Variants in USP10 observed in about 807,000 individuals in gnomAD.
The protein encoded by USP10 is ubiquitin specific peptidase 10.
In USP10, 22 loss-of-function variants were observed where a neutral mutation model predicts 84.5. That is an observed-to-expected ratio of 0.26 (90% CI 0.19 to 0.37). The LOEUF (loss-of-function observed/expected upper bound fraction) is 0.37, where lower values mean the gene tolerates loss of function less well. Ranked by LOEUF, USP10 falls within the 10% of genes least tolerant of loss-of-function variation. USP10 has a pLI of 1.00. For synonymous variants in USP10, 454 were observed against 387.6 expected, an observed-to-expected ratio of 1.17 and a Z score of -2.01; for missense variants, 1,019 against 998.9, an observed-to-expected ratio of 1.02 and a Z score of -0.27.
chr16:84,704,822 A>G, intron 1 of USP10: 1 of 1,535,718 alleles, frequency 6.5e-7, no homozygotes, highest in Non-Finnish European at 8.7e-7. Flanking sequence ...CCCGTCTTGA[A>G]ACATCATGCC....
chr16:84,777,564 C>T (rs1314456604), intron 13 of USP10, among the ~76,000 whole-genome samples: 4 of 152,162 alleles, frequency 2.6e-5, no homozygotes, highest in African/African-American at 9.7e-5. Context: ...GAAGTACGGG[C>T]CCCACAGTCT....
At chr16:84,733,311 G>T in intron 1 of USP10, 124 bp from the exon 2 acceptor site, 1 of 718,766 alleles carries the variant, frequency 1.4e-6, no homozygotes, top group Non-Finnish European at 2.4e-6. Context: ...CTGTTTAATT[G>T]AGAAAGGATC....
chr16:84,776,874 ACAGTCTC>A (rs1447379792), intron 13 of USP10, among the ~76,000 whole-genome samples: 30 of 152,276 alleles, frequency 2.0e-4, no homozygotes, highest in Non-Finnish European at 3.7e-4. Context: ...GTGCAGTGGC[ACAGTCTC>A]CATTCACTGC....
chr16:84,712,780 T>C (rs987160683), intron 1 of USP10, among the ~76,000 whole-genome samples: 2 of 152,188 alleles, frequency 1.3e-5, no homozygotes, highest in African/African-American at 4.8e-5. Flanking sequence ...TGTTGTGTAG[T>C]TTCTTGAATC....
At chr16:84,720,950 G>A (rs1907721622) in intron 1 of USP10, among the ~76,000 whole-genome samples, 1 of 147,108 alleles carries the variant, frequency 6.8e-6, no homozygotes, top group African/African-American at 2.5e-5. Flanking sequence ...CTGGAGTGCA[G>A]TGGCGCGATC....
At chr16:84,700,825 C>A (rs565254091) in intron 1 of USP10, among the ~76,000 whole-genome samples, 3 of 152,262 alleles carry the variant, frequency 2.0e-5, no homozygotes, top group African/African-American at 7.2e-5. Flanking sequence ...TTACAATAAT[C>A]CCGTGGTGGA....
At position 84,711,239 on chromosome 16, in the gene USP10, A is replaced by C. The variant is rs1375998285; in HGVS notation, c.21+11128A>C. On this transcript the variant is annotated intron_variant, in intron 1 of 13. Transcript: ENST00000219473. ...GCCCGTGTTGGGATTTATAAGTTGC[A>C]AAAAAACATGTTTTTAAAAATGTAA... is the stretch of plus-strand genomic sequence containing the variant. Among the ~76,000 whole-genome samples, 6 of 152,146 alleles carry C rather than the reference A, an allele frequency of 3.9e-5. No homozygotes were observed. In the East Asian group the frequency reaches 1.2e-3, roughly 29 times the overall value.
At chr16:84,755,522 C>G (rs1385226201) in intron 4 of USP10, among the ~76,000 whole-genome samples, 1 of 152,034 alleles carries the variant, frequency 6.6e-6, no homozygotes, top group African/African-American at 2.4e-5. Context: ...CTCTGGGGAC[C>G]TGTGCGTATG....
chr16:84,716,033 G>A (rs1906970051), intron 1 of USP10, among the ~76,000 whole-genome samples: 1 of 152,126 alleles, frequency 6.6e-6, no homozygotes, highest in Non-Finnish European at 1.5e-5. Flanking sequence ...GCACTGTGGC[G>A]AGGAGGGTGG....
chr16:84,733,741 C>G (rs938249640), intron 2 of USP10, among the ~76,000 whole-genome samples: 2 of 152,184 alleles, frequency 1.3e-5, no homozygotes, highest in Admixed American at 1.3e-4. Context: ...ACTGAAGCCT[C>G]CTTTGGACCT....
chr16:84,750,850 G>T (rs750344954), intron 4 of USP10, among the ~76,000 whole-genome samples: 2 of 152,160 alleles, frequency 1.3e-5, no homozygotes, highest in Non-Finnish European at 2.9e-5. Flanking sequence ...AAAACATTGC[G>T]TTGAGGTATC....
At chr16:84,775,304 A>G (rs896510956) in intron 13 of USP10, 79 bp downstream of exon 13, 34 of 1,424,396 alleles carry the variant, frequency 2.4e-5, no homozygotes, top group African/African-American at 4.2e-5. Context: ...GTTTGCTGCA[A>G]CTTAGCATAG....
chr16:84,765,790 G>T (rs1054477899), intron 10 of USP10, among the ~76,000 whole-genome samples: 5 of 152,180 alleles, frequency 3.3e-5, no homozygotes, highest in Non-Finnish European at 7.3e-5. Context: ...CCGTGACTGG[G>T]CTGGAGTCCC....
intron 10 of USP10, among the ~76,000 whole-genome samples, chr16:84,766,336 T>C (rs996652244): frequency 3.3e-5 from 5 of 152,138 alleles, no homozygotes; most frequent in African/African-American, 1.2e-4. Context: ...CTCTGTGGAG[T>C]GTCCACGGCA....
chr16:84,739,151 C>T (rs1163911181), intron 2 of USP10, among the ~76,000 whole-genome samples: 9 of 151,740 alleles, frequency 5.9e-5, no homozygotes, highest in Admixed American at 3.9e-4. Flanking sequence ...CTCCGCCTCC[C>T]GGGTTCACGC....
intron 8 of USP10, 66 bp downstream of exon 8, chr16:84,760,341 C>A: frequency 7.1e-7 from 1 of 1,404,708 alleles, no homozygotes; most frequent in Non-Finnish European, 9.8e-7. Flanking sequence ...TGTGTGGTAA[C>A]TGTTGCTTAT....
intron 1 of USP10, chr16:84,732,507 C>G: frequency 2.6e-6 from 1 of 382,556 alleles, no homozygotes; most frequent in South Asian, 1.8e-5. Context: ...GGTGCGGTGG[C>G]GCGATCTCAG....
intron 1 of USP10, among the ~76,000 whole-genome samples, chr16:84,727,583 CTGT>C (rs1292503520): frequency 2.0e-5 from 3 of 152,196 alleles, no homozygotes; most frequent in African/African-American, 7.2e-5. Flanking sequence ...CCAGATCCAC[CTGT>C]TGTTAAGATT....
Position 84,760,181 on chromosome 16 carries a change from A to G in USP10, c.1460A>G (p.Asp487Gly), listed in dbSNP as rs1913044133. The change falls in exon 8 of 14, where the codon GAT becomes GGT. Residue 487 changes from aspartate (D) to glycine (G), a missense_variant. By Grantham distance (94) the Asp-to-Gly change is moderately conservative. This residue lies in a region of USP10 where 787 missense variants were observed against 708.8 expected (regional missense o/e 1.11). Coordinates refer to ENST00000219473, the MANE Select transcript of USP10 (RefSeq NM_005153.3). The stretch of plus-strand genomic sequence containing the variant: ...CCTCTTTCCATTGCAGCTCTTGGAG[A>G]TAAAATCGTGAGGGATATTCGCCCT... ...VPPKPRQALG[D>G]KIVRDIRPGA... 1 of 1,606,724 alleles carries G rather than the reference A, an allele frequency of 6.2e-7. No individual in the cohort carries two copies. The highest frequency in any genetic ancestry group is 8.5e-7 in the Non-Finnish European group (1 of 1,176,086).
Sources: allele counts gnomAD v4.1 joint callset (sites outside exome capture counted in the v4.1 genomes callset), GRCh38; gene constraint gnomAD v4.1.1; regional missense constraint gnomAD v4.1.1; transcripts MANE v1.5; gene names NCBI Gene and HGNC (gene_info 2026-07-23, HGNC 2026-07-21).